Variants in IGF1R observed in about 807,000 individuals in gnomAD.
IGF1R encodes insulin-like growth factor 1 receptor.
A neutral mutation model predicts 144.6 loss-of-function variants in IGF1R; 44 were observed. The ratio of observed to expected loss-of-function variants is 0.30; its 90% CI spans 0.24 to 0.39. The LOEUF (loss-of-function observed/expected upper bound fraction) is 0.39, where lower values mean the gene tolerates loss of function less well. Ranked by LOEUF, IGF1R falls within the 10% of genes least tolerant of loss-of-function variation. IGF1R has a pLI of 1.00. For missense variants in IGF1R, 1,355 were observed against 1,833.7 expected (o/e 0.74, Z 4.77); for synonymous variants, 795 against 722.8 (o/e 1.10, Z -1.60).
At chr15:98,924,272 G>T (rs1197420434) in intron 12 of IGF1R, among the ~76,000 whole-genome samples, 1 of 152,252 alleles carries the variant, frequency 6.6e-6, no homozygotes, top group Non-Finnish European at 1.5e-5. Flanking sequence ...GGCCAGGTCA[G>T]TTCTAATAAC....
chr15:98,884,718 C>T (rs1418647280), intron 2 of IGF1R, among the ~76,000 whole-genome samples: 1 of 151,846 alleles, frequency 6.6e-6, no homozygotes, highest in Non-Finnish European at 1.5e-5. Flanking sequence ...ATTCTGTACC[C>T]TTCCAGATGG....
chr15:98,679,077 T>C (rs2053122904), intron 1 of IGF1R, among the ~76,000 whole-genome samples: 1 of 152,098 alleles, frequency 6.6e-6, no homozygotes, highest in African/African-American at 2.4e-5. Context: ...TGGCTAATTT[T>C]TAAATGTTTT....
intron 2 of IGF1R, among the ~76,000 whole-genome samples, chr15:98,846,279 G>A (rs984516922): frequency 2.0e-5 from 3 of 152,158 alleles, no homozygotes; most frequent in African/African-American, 7.2e-5. Context: ...AACATCCTCC[G>A]TGCCTCTGTG....
intron 2 of IGF1R, among the ~76,000 whole-genome samples, chr15:98,709,483 G>A (rs1199769146): frequency 6.6e-6 from 1 of 152,202 alleles, no homozygotes; most frequent in Non-Finnish European, 1.5e-5. Context: ...GGAGTTGGAG[G>A]GAGATCTTAT....
intron 1 of IGF1R, among the ~76,000 whole-genome samples, chr15:98,685,878 G>A (rs534193845): frequency 6.6e-6 from 1 of 152,338 alleles, no homozygotes; most frequent in Non-Finnish European, 1.5e-5. Flanking sequence ...AAAGGGTGGT[G>A]TCAGACAGCA....
intron 19 of IGF1R, among the ~76,000 whole-genome samples, chr15:98,946,592 C>G (rs747277145): frequency 6.6e-6 from 1 of 152,090 alleles, no homozygotes; most frequent in Non-Finnish European, 1.5e-5. Context: ...AGTGGGACTC[C>G]GAGGAGGCCA....
chr15:98,767,981 A>C (rs2070563318), intron 2 of IGF1R, among the ~76,000 whole-genome samples: 1 of 152,216 alleles, frequency 6.6e-6, no homozygotes, highest in South Asian at 2.1e-4. Flanking sequence ...CTCAGTCTGC[A>C]GACCATAGCT....
chr15:98,804,707 G>A (rs2056434931), intron 2 of IGF1R, among the ~76,000 whole-genome samples: 1 of 152,160 alleles, frequency 6.6e-6, no homozygotes, highest in Non-Finnish European at 1.5e-5. Flanking sequence ...GATACAGGGA[G>A]CTGCAGATAA....
chr15:98,844,709 T>A (rs959946759), intron 2 of IGF1R, among the ~76,000 whole-genome samples: 1 of 152,144 alleles, frequency 6.6e-6, no homozygotes, highest in Non-Finnish European at 1.5e-5. Flanking sequence ...AGTGAGAGAT[T>A]ATGGAAATTA....
In IGF1R at chr15:98,929,604, T is replaced by G. The variant is rs1242901853; in HGVS notation, c.2829T>G (p.Ala943=). 1 of 1,614,122 alleles carries G rather than the reference T, an allele frequency of 6.2e-7. No individual in the cohort carries two copies. Among genetic ancestry groups the G allele is most frequent in the Non-Finnish European group, 8.5e-7 (1 of 1,180,020 alleles). The change falls in exon 14 of 21, where the codon GCT becomes GCG. Residue 943 remains alanine, a synonymous_variant. Coordinates refer to ENST00000650285, the MANE Select transcript of IGF1R (RefSeq NM_000875.5). ...ATCTGATCATCGCTCTGCCCGTCGC[T>G]GTCCTGTTGATCGTGGGAGGGTTGG... ...FIHLIIALPV[A]VLLIVGGLVI...
intron 2 of IGF1R, among the ~76,000 whole-genome samples, chr15:98,866,949 G>A (rs773909659): frequency 1.3e-5 from 2 of 152,170 alleles, no homozygotes; most frequent in African/African-American, 2.4e-5. Context: ...TTTCCACTCT[G>A]TCTGGCCAAG....
chr15:98,878,139 G>A (rs542229709), intron 2 of IGF1R, among the ~76,000 whole-genome samples: 12 of 152,374 alleles, frequency 7.9e-5, no homozygotes, highest in South Asian at 2.1e-4. Flanking sequence ...CCAGAAGTGG[G>A]CTCTAACACT....
At chr15:98,899,748 T>C (rs1250566142) in intron 5 of IGF1R, 127 bp downstream of exon 5, 2 of 901,910 alleles carry the variant, frequency 2.2e-6, no homozygotes, top group Non-Finnish European at 1.8e-6. Context: ...AGCCGCAGTA[T>C]TGCCTGTGCT....
At chr15:98,776,890 T>A (rs778450122) in intron 2 of IGF1R, among the ~76,000 whole-genome samples, 37 of 152,220 alleles carry the variant, frequency 2.4e-4, no homozygotes, top group Non-Finnish European at 3.7e-4. Flanking sequence ...GTCTCAGGTA[T>A]GTGTCAAGCC....
In IGF1R at chr15:98,850,426, T is replaced by TG. The variant is rs201361369; in HGVS notation, c.641-40891dup. ...GGAATATGTGGGTTCTGCAGACACCTGGGGGGGGCACCACCTGGTAAATCT... is the reference window on the plus strand; with the variant it reads ...GGAATATGTGGGTTCTGCAGACACCTGGGGGGGGGCACCACCTGGTAAATCT... On this transcript the variant is annotated intron_variant, in intron 2 of 20. Coordinates refer to ENST00000650285, the MANE Select transcript of IGF1R (RefSeq NM_000875.5). Among the ~76,000 whole-genome samples, 1,253 of 151,846 alleles carry TG rather than the reference T, an allele frequency of 8.3e-3. 19 individuals carry two copies. Among genetic ancestry groups the TG allele is most frequent in the African/African-American group, 0.028 (1,154 of 41,378 alleles).
chr15:98,819,354 C>T (rs2056760587), intron 2 of IGF1R, among the ~76,000 whole-genome samples: 1 of 152,160 alleles, frequency 6.6e-6, no homozygotes, highest in South Asian at 2.1e-4. Flanking sequence ...TGCATTGAAA[C>T]CTAATCACCA....
At chr15:98,714,174 T>TAA (rs11284878) in intron 2 of IGF1R, among the ~76,000 whole-genome samples, 46 of 146,084 alleles carry the variant, frequency 3.1e-4, no homozygotes, top group African/African-American at 7.6e-4. Flanking sequence ...CAGGTTGTAG[T>TAA]AAAAAAAAAA....
At chr15:98,956,968 T>C (rs2151737600) in intron 20 of IGF1R, 93 bp from the exon 21 acceptor site, 1 of 1,386,226 alleles carries the variant, frequency 7.2e-7, no homozygotes, top group South Asian at 1.2e-5. Flanking sequence ...GCCGTACGCT[T>C]GTATGCGGGA....
At chr15:98,667,575 G>A (rs1229675351) in intron 1 of IGF1R, among the ~76,000 whole-genome samples, 1 of 152,184 alleles carries the variant, frequency 6.6e-6, no homozygotes, top group Non-Finnish European at 1.5e-5. Flanking sequence ...ACTCTCTGGG[G>A]CTATTTTTTT....
Sources: allele counts gnomAD v4.1 joint callset (sites outside exome capture counted in the v4.1 genomes callset), GRCh38; gene constraint gnomAD v4.1.1; transcripts MANE v1.5; gene names NCBI Gene and HGNC (gene_info 2026-07-23, HGNC 2026-07-21).